SHPRH: variants seen among roughly 807,000 people sequenced by gnomAD.
The protein encoded by SHPRH is SNF2 histone linker PHD RING helicase.
SHPRH carries 106 observed loss-of-function variants against 202.5 expected under a neutral mutation model. The observed-to-expected ratio is 0.52, with a 90% CI of 0.45 to 0.62. The LOEUF (loss-of-function observed/expected upper bound fraction) is 0.62, where lower values mean the gene tolerates loss of function less well. Ranked by LOEUF, SHPRH falls within the 20% of genes least tolerant of loss-of-function variation. The pLI is 0.00. For missense variants in SHPRH, 1,710 were observed against 2,020.0 expected (o/e 0.85, Z 2.94); for synonymous variants, 729 against 686.0 (o/e 1.06, Z -0.98).
chr6:145,960,650 T>C (rs1788993263), intron 1 of SHPRH, among the ~76,000 whole-genome samples: 1 of 152,166 alleles, frequency 6.6e-6, no homozygotes, highest in Non-Finnish European at 1.5e-5. Flanking sequence ...AGTTATCCAG[T>C]CTTCTGTGCC....
At chr6:145,928,708 C>T (rs922695079) in intron 14 of SHPRH, among the ~76,000 whole-genome samples, 4 of 151,840 alleles carry the variant, frequency 2.6e-5, no homozygotes, top group African/African-American at 7.2e-5. Context: ...GTGCAAAACA[C>T]CTAATTTAAA....
rs1346673894 is a variant in SHPRH, at chr6:145,921,329, A to C, written c.3846T>G (p.Asp1282Glu). The C allele has an allele frequency of 6.2e-7, 1 of 1,612,780 alleles. No individual in the cohort carries two copies. The highest frequency in any genetic ancestry group is 8.5e-7 in the Non-Finnish European group (1 of 1,179,320). The change falls in exon 21 of 30, where the codon GAT (aspartate) becomes GAG (glutamate). Residue 1282 changes from aspartate to glutamate, a missense_variant. Physicochemically the swap from Asp to Glu is conservative, Grantham distance 45 (BLOSUM62 2). Around this residue, in one of 8 missense-constraint regions of SHPRH, gnomAD observed 288 missense variants for 317.8 expected, o/e 0.91. Coordinates refer to ENST00000275233, the MANE Select transcript of SHPRH (RefSeq NM_001042683.3). ...GACCCCGGGTGGTGGTAGGTGCTCGATCATCCACCAGTCCTTCTTCATCTT... is the reference window on the plus strand; with the variant it reads ...GACCCCGGGTGGTGGTAGGTGCTCGCTCATCCACCAGTCCTTCTTCATCTT... The part of the protein sequence containing the change: ...MIEDEEGLVD[D>E]RAPTTTRGLW...
rs1459601313 is a variant in SHPRH, at chr6:145,954,995, T to C, written c.328A>G (p.Asn110Asp). 1.9e-6 allele frequency: 3 copies of C among 1,613,742 alleles called. No homozygotes were observed. The highest frequency in any genetic ancestry group is 2.5e-6 in the Non-Finnish European group (3 of 1,179,916). ...TCTCCTAGAAATGCTTTCCAGGAAT[T>C]ATCAAAATGATAGGGAGAAATCACA... ...NIVISPYHFD[N>D]SWKAFLGELT... The change falls in exon 2 of 30, where the codon AAT (asparagine) becomes GAT (aspartate). Residue 110 changes from asparagine (N) to aspartate (D), a missense_variant. Transcript: ENST00000275233.
Position 145,894,248 on chromosome 6 carries a change from A to G in SHPRH, c.4609-12T>C. 2 of 1,574,294 alleles carry G rather than the reference A, an allele frequency of 1.3e-6. No individual in the cohort carries two copies. The highest frequency in any genetic ancestry group is 8.6e-7 in the Non-Finnish European group (1 of 1,161,574). Reference sequence around the variant, plus strand: ...AATACATCTTGCCACTAGAACACATAAAACAATAAGAAAACCAATATTTAC... The same window carrying G: ...AATACATCTTGCCACTAGAACACATGAAACAATAAGAAAACCAATATTTAC... On this transcript the variant is annotated splice_polypyrimidine_tract_variant and intron_variant, in intron 26 of 29. Coordinates refer to ENST00000275233, the MANE Select transcript of SHPRH (RefSeq NM_001042683.3).
At chr6:145,948,429 A>G (rs1207234728) in intron 4 of SHPRH, 79 bp from the exon 5 acceptor site, 1 of 1,087,456 alleles carries the variant, frequency 9.2e-7, no homozygotes, top group Non-Finnish European at 1.3e-6. Flanking sequence ...AGAATAGGTT[A>G]ACAGTGAGGA....
chr6:145,946,954 A>G (rs1787450930), intron 6 of SHPRH, among the ~76,000 whole-genome samples: 1 of 151,960 alleles, frequency 6.6e-6, no homozygotes, highest in South Asian at 2.1e-4. Flanking sequence ...GCTATATACT[A>G]TATTTGCCTT....
intron 21 of SHPRH, among the ~76,000 whole-genome samples, chr6:145,919,994 T>C (rs1583398243): frequency 6.6e-6 from 1 of 152,198 alleles, no homozygotes; most frequent in Non-Finnish European, 1.5e-5. Context: ...CAACCACTAT[T>C]CTGAATTGTA....
At chr6:145,944,123 G>A (rs1000917001) in intron 8 of SHPRH, among the ~76,000 whole-genome samples, 2 of 152,038 alleles carry the variant, frequency 1.3e-5, no homozygotes, top group African/African-American at 2.4e-5. Context: ...AGTACTTTTC[G>A]AGTACATAAA....
At chr6:145,956,498 TCAA>T (rs1335370007) in intron 1 of SHPRH, among the ~76,000 whole-genome samples, 1 of 151,820 alleles carries the variant, frequency 6.6e-6, no homozygotes, top group African/African-American at 2.4e-5. Flanking sequence ...GAAAAAAAGA[TCAA>T]CAAAAGCCAA....
At chr6:145,891,661 A>G (rs1321660254) in intron 28 of SHPRH, among the ~76,000 whole-genome samples, 1 of 152,204 alleles carries the variant, frequency 6.6e-6, no homozygotes, top group Non-Finnish European at 1.5e-5. Context: ...GATGATGGAA[A>G]GATGAGGTAC....
At chr6:145,897,163 G>GA (rs1782083929) in intron 25 of SHPRH, among the ~76,000 whole-genome samples, 1 of 151,570 alleles carries the variant, frequency 6.6e-6, no homozygotes, top group African/African-American at 2.4e-5. Flanking sequence ...GGTAGACTAA[G>GA]AAAAAATAAG....
At chr6:145,922,889 A>G (rs1784543781) in intron 18 of SHPRH, 53 bp from the exon 19 acceptor site, 2 of 1,465,284 alleles carry the variant, frequency 1.4e-6, no homozygotes, top group Admixed American at 2.5e-5. Flanking sequence ...TAATAGGTCA[A>G]TTTCCTCAAA....
chr6:145,870,996 A>T (rs971948265), intron 2 of SHPRH: 6 of 152,234 alleles, frequency 3.9e-5, no homozygotes, highest in African/African-American at 1.4e-4. Flanking sequence ...CTTCGATAAA[A>T]ATCCTCATTC....
At chr6:145,911,134 T>C (rs1352576684) in intron 24 of SHPRH, among the ~76,000 whole-genome samples, 1 of 152,090 alleles carries the variant, frequency 6.6e-6, no homozygotes, top group East Asian at 1.9e-4. Flanking sequence ...ATTATTATTA[T>C]TACTATTATT....
intron 25 of SHPRH, among the ~76,000 whole-genome samples, chr6:145,895,227 T>A (rs977258392): frequency 3.3e-5 from 5 of 152,098 alleles, no homozygotes; most frequent in Admixed American, 2.6e-4. Context: ...CATTAAGTGC[T>A]ATGACCCTGA....
At chr6:145,914,322 A>G (rs931546155) in intron 23 of SHPRH, among the ~76,000 whole-genome samples, 27 of 152,294 alleles carry the variant, frequency 1.8e-4, no homozygotes, top group Non-Finnish European at 3.8e-4. Flanking sequence ...AAGAGCAACA[A>G]GAATGGGAGG....
downstream of SHPRH, chr6:145,862,666 A>C (rs920276460): frequency 6.6e-6 from 1 of 152,254 alleles, no homozygotes; most frequent in Non-Finnish European, 1.5e-5. Flanking sequence ...GTTACATAGT[A>C]GATGTTGAAC....
At chr6:145,953,006 T>C (rs1222329277) in intron 2 of SHPRH, among the ~76,000 whole-genome samples, 1 of 152,102 alleles carries the variant, frequency 6.6e-6, no homozygotes, top group Non-Finnish European at 1.5e-5. Context: ...TTTTGAATAC[T>C]GGCATTGATA....
chr6:145,865,198 A>G (rs1325659949), intron 2 of SHPRH, among the ~76,000 whole-genome samples: 1 of 152,188 alleles, frequency 6.6e-6, no homozygotes, highest in Non-Finnish European at 1.5e-5. Flanking sequence ...CAACTATTGA[A>G]GTCCTAACCC....
Sources: allele counts gnomAD v4.1 joint callset (sites outside exome capture counted in the v4.1 genomes callset), GRCh38; gene constraint gnomAD v4.1.1; regional missense constraint gnomAD v4.1.1; transcripts MANE v1.5; gene names NCBI Gene and HGNC (gene_info 2026-07-23, HGNC 2026-07-21).